DLG2: variants seen among roughly 807,000 people sequenced by gnomAD.
The protein encoded by DLG2 is discs large MAGUK scaffold protein 2.
DLG2 carries 45 observed loss-of-function variants against 132.5 expected under a neutral mutation model. That is an observed-to-expected ratio of 0.34 (90% CI 0.27 to 0.44). The LOEUF (loss-of-function observed/expected upper bound fraction) is 0.44. Among genes scored for constraint, DLG2 ranks in the 20% least tolerant of loss-of-function variants. The probability of loss-of-function intolerance (pLI) is 1.00; values close to 1 mark genes in which losing one functional copy is unlikely to be tolerated. For synonymous variants in DLG2, 424 were observed against 419.6 expected (o/e 1.01, Z -0.13); for missense variants, 1,045 against 1,196.9 (o/e 0.87, Z 1.87).
intron 18 of DLG2, chr11:83,646,628 C>G (rs886272915): frequency 6.6e-6 from 1 of 152,368 alleles, no homozygotes; most frequent in African/African-American, 2.4e-5. Flanking sequence ...CTGGTTCCTT[C>G]GCTCCTAGAA....
At chr11:84,983,692 A>G (rs191777575) in intron 6 of DLG2, among the ~76,000 whole-genome samples, 133 of 152,360 alleles carry the variant, frequency 8.7e-4, no homozygotes, top group African/African-American at 3.1e-3. Context: ...TATTAAGCTA[A>G]TCAGGGAGGC....
At chr11:84,444,930 A>G (rs2099028895) in intron 7 of DLG2, among the ~76,000 whole-genome samples, 1 of 151,748 alleles carries the variant, frequency 6.6e-6, no homozygotes, top group African/African-American at 2.4e-5. Context: ...CGCCTCCCGA[A>G]TAGCTGGGAT....
At chr11:83,849,483 C>A (rs898809185) in intron 16 of DLG2, among the ~76,000 whole-genome samples, 2 of 151,484 alleles carry the variant, frequency 1.3e-5, no homozygotes, top group African/African-American at 2.4e-5. Context: ...AGAAATAAGA[C>A]ATAAATATAG....
chr11:84,716,234 C>T (rs2061211453), intron 6 of DLG2, among the ~76,000 whole-genome samples: 1 of 151,922 alleles, frequency 6.6e-6, no homozygotes, highest in Non-Finnish European at 1.5e-5. Context: ...TATCCAGGTC[C>T]CTTGTGCATT....
At chr11:84,937,780 CA>C (rs1271179474) in intron 6 of DLG2, among the ~76,000 whole-genome samples, 3 of 152,076 alleles carry the variant, frequency 2.0e-5, no homozygotes, top group Non-Finnish European at 4.4e-5. Context: ...CTTCAAAGAT[CA>C]ACAGAAAGTG....
At chr11:84,917,087 T>A (rs991837545) in intron 6 of DLG2, among the ~76,000 whole-genome samples, 2 of 152,236 alleles carry the variant, frequency 1.3e-5, no homozygotes, top group African/African-American at 4.8e-5. Flanking sequence ...CTGTCTTATG[T>A]TCTACCTACC....
At chr11:84,769,597 G>A (rs1469596499) in intron 6 of DLG2, among the ~76,000 whole-genome samples, 1 of 152,098 alleles carries the variant, frequency 6.6e-6, no homozygotes, top group Non-Finnish European at 1.5e-5. Context: ...TGCTAGAGAG[G>A]TAGACGACAT....
intron 7 of DLG2, among the ~76,000 whole-genome samples, chr11:84,412,623 T>C (rs1463261911): frequency 6.6e-6 from 1 of 152,202 alleles, no homozygotes; most frequent in Non-Finnish European, 1.5e-5. Flanking sequence ...ACAAACAGTA[T>C]TGTAAACTGC....
In DLG2 at chr11:84,408,944, A is replaced by C. The variant is rs1049133403; in HGVS notation, c.519+125626T>G. 2.6e-5 allele frequency among the ~76,000 whole-genome samples: 4 copies of C among 151,918 alleles called. No individual in the cohort carries two copies. The South Asian group carries it at 8.3e-4, about 32-fold the overall frequency. On this transcript the variant is annotated intron_variant, in intron 7 of 27. Transcript: ENST00000376104. ...CACCTTCCTTCCATTCATCCTCCACACTGCTGACAGAACGATCCTGCTGCT... is the reference window on the plus strand; with the variant it reads ...CACCTTCCTTCCATTCATCCTCCACCCTGCTGACAGAACGATCCTGCTGCT...
At chr11:84,293,055 C>T (rs994563725) in intron 7 of DLG2, among the ~76,000 whole-genome samples, 2 of 152,040 alleles carry the variant, frequency 1.3e-5, no homozygotes, top group Admixed American at 6.6e-5. Context: ...GTTTCTCTGT[C>T]ACACTAAGGA....
chr11:83,728,014 G>A (rs1387607125), intron 18 of DLG2, among the ~76,000 whole-genome samples: 5 of 152,150 alleles, frequency 3.3e-5, no homozygotes, highest in Non-Finnish European at 4.4e-5. Flanking sequence ...GTAGTGATAT[G>A]AACTAGAATC....
chr11:84,314,887 C>T (rs2098338780), intron 7 of DLG2, among the ~76,000 whole-genome samples: 1 of 151,972 alleles, frequency 6.6e-6, no homozygotes, highest in African/African-American at 2.4e-5. Context: ...ATGGATTAAT[C>T]AATTTAGCAT....
At chr11:83,905,860 G>A (rs1330261487) in intron 15 of DLG2, among the ~76,000 whole-genome samples, 1 of 151,732 alleles carries the variant, frequency 6.6e-6, no homozygotes, top group Non-Finnish European at 1.5e-5. Context: ...TGATAGGGTG[G>A]GCCAAATAAA....
intron 5 of DLG2, among the ~76,000 whole-genome samples, chr11:85,149,713 CA>C (rs999508405): frequency 6.6e-5 from 10 of 151,832 alleles, no homozygotes; most frequent in African/African-American, 2.2e-4. Context: ...TTAGAGACAA[CA>C]AAAAAATATA....
chr11:84,087,544 G>T (rs2097008850), intron 10 of DLG2, among the ~76,000 whole-genome samples: 1 of 152,142 alleles, frequency 6.6e-6, no homozygotes, highest in Admixed American at 6.5e-5. Context: ...CTGTGAATAT[G>T]TTACTTTATA....
At chr11:83,465,122 T>C (rs909103635) in intron 26 of DLG2, among the ~76,000 whole-genome samples, 3 of 152,178 alleles carry the variant, frequency 2.0e-5, no homozygotes, top group Non-Finnish European at 4.4e-5. Context: ...AAACTCTTTA[T>C]ATTATAATTT....
At chr11:84,527,266 T>C (rs919497387) in intron 7 of DLG2, among the ~76,000 whole-genome samples, 2 of 152,226 alleles carry the variant, frequency 1.3e-5, no homozygotes, top group African/African-American at 2.4e-5. Flanking sequence ...AAAGGCTTTA[T>C]GTAGGAAGAG....
intron 6 of DLG2, among the ~76,000 whole-genome samples, chr11:84,561,274 G>A (rs2099428310): frequency 6.6e-6 from 1 of 152,064 alleles, no homozygotes; most frequent in South Asian, 2.1e-4. Flanking sequence ...TTCTGTCACA[G>A]ATGAGAACTC....
At chr11:84,801,297 C>A (rs1028576213) in intron 6 of DLG2, among the ~76,000 whole-genome samples, 2 of 152,114 alleles carry the variant, frequency 1.3e-5, no homozygotes, top group African/African-American at 2.4e-5. Context: ...TGAGGCCAGG[C>A]GCCATGACTC....
Sources: allele counts gnomAD v4.1 joint callset (sites outside exome capture counted in the v4.1 genomes callset), GRCh38; gene constraint gnomAD v4.1.1; transcripts MANE v1.5; gene names NCBI Gene and HGNC (gene_info 2026-07-23, HGNC 2026-07-21).